CACNA1A: variants seen among roughly 807,000 people sequenced by gnomAD.
The protein encoded by CACNA1A is voltage-dependent P/Q-type calcium channel subunit alpha-1A.
A neutral mutation model predicts 262.4 loss-of-function variants in CACNA1A; 57 were observed. The ratio of observed to expected loss-of-function variants is 0.22; its 90% CI spans 0.18 to 0.27. The LOEUF is 0.27. CACNA1A is among the 10% of genes least tolerant of loss of function. The pLI is 1.00. For missense variants in CACNA1A, 2,526 were observed against 3,562.8 expected, an observed-to-expected ratio of 0.71 and a Z score of 7.41; for synonymous variants, 1,431 against 1,419.3, an observed-to-expected ratio of 1.01 and a Z score of -0.18.
At chr19:13,334,345 C>A (rs867607816) in intron 8 of CACNA1A, 33 bp downstream of exon 8, 2 of 1,126,468 alleles carry the variant, frequency 1.8e-6, no homozygotes, top group Admixed American at 1.7e-5. Context: ...CCTGGGATCT[C>A]CATCCCTGGG....
intron 31 of CACNA1A, among the ~76,000 whole-genome samples, chr19:13,238,244 G>A (rs560858709): frequency 3.3e-5 from 5 of 152,126 alleles, no homozygotes; most frequent in Non-Finnish European, 7.4e-5. Context: ...GGCTTGGGAG[G>A]TGCAGCTTCC....
chr19:13,445,659 T>TA (rs1407507987), intron 3 of CACNA1A, among the ~76,000 whole-genome samples: 2 of 152,240 alleles, frequency 1.3e-5, no homozygotes, highest in East Asian at 1.9e-4. Context: ...AATATTTATA[T>TA]ATATTTGAGA....
intron 9 of CACNA1A, 119 bp downstream of exon 9, chr19:13,332,750 A>C (rs1600352906): frequency 1.8e-6 from 1 of 557,118 alleles, no homozygotes; most frequent in Non-Finnish European, 3.2e-6. Flanking sequence ...TTCCTCCAAG[A>C]GGAACGTCTA....
chr19:13,300,644 C>T lies in CACNA1A; in HGVS notation c.2185G>A (p.Glu729Lys). The part of the protein sequence containing the change: ...AQELTKDEQE[E>K]EEAANQKLAL... ...AGTTTCTGGTTCGCTGCTTCTTCTT[C>T]CTCTTGCTCGTCCTAAAAGGCACGT... The change falls in exon 18 of 47, where the codon GAA becomes AAA. Residue 729 changes from glutamate (E) to lysine (K), a missense_variant. Transcript: ENST00000360228. 6.2e-7 allele frequency: 1 copy of T among 1,613,634 alleles called. No individual in the cohort carries two copies. The highest frequency in any genetic ancestry group is 8.5e-7 in the Non-Finnish European group (1 of 1,179,612).
chr19:13,268,479 G>C (rs999576390), intron 24 of CACNA1A, among the ~76,000 whole-genome samples: 1 of 150,814 alleles, frequency 6.6e-6, no homozygotes, highest in Non-Finnish European at 1.5e-5. Flanking sequence ...TGTCGCCCAG[G>C]CTGGAGTGCA....
chr19:13,307,660 A>G (rs777043297), intron 15 of CACNA1A, 122 bp downstream of exon 15: 28 of 726,932 alleles, frequency 3.9e-5, no homozygotes, highest in Non-Finnish European at 6.8e-5. Flanking sequence ...CTGTGTTTCA[A>G]AGTGGTGTGA....
chr19:13,261,701 G>T, intron 25 of CACNA1A, 91 bp from the exon 26 acceptor site: 1 of 1,262,684 alleles, frequency 7.9e-7, no homozygotes, highest in Non-Finnish European at 1.1e-6. Flanking sequence ...ATACTGCCAT[G>T]ATCATTCCCA....
intron 11 of CACNA1A, chr19:13,315,410 G>C (rs774848124): frequency 2.0e-5 from 3 of 152,010 alleles, no homozygotes; most frequent in Admixed American, 1.3e-4. Flanking sequence ...CTGTGTCTCA[G>C]TTTTCTCAAA....
intron 24 of CACNA1A, among the ~76,000 whole-genome samples, chr19:13,265,112 T>G (rs1413531497): frequency 6.6e-6 from 1 of 152,156 alleles, no homozygotes; most frequent in Non-Finnish European, 1.5e-5. Flanking sequence ...CGACCTCAAG[T>G]AATCCACTGG....
chr19:13,401,772 G>A (rs2059904019), intron 3 of CACNA1A, among the ~76,000 whole-genome samples: 2 of 152,140 alleles, frequency 1.3e-5, no homozygotes, highest in African/African-American at 4.8e-5. Context: ...CTGAGTGACT[G>A]CATGGAGTCG....
At chr19:13,371,486 T>C (rs2059322295) in intron 4 of CACNA1A, 2 of 573,952 alleles carry the variant, frequency 3.5e-6, no homozygotes, top group Admixed American at 6.0e-5. Context: ...TAAATGGGTG[T>C]GGCTCCTAGT....
chr19:13,385,270 C>T (rs1377101287), intron 3 of CACNA1A, among the ~76,000 whole-genome samples: 1 of 146,568 alleles, frequency 6.8e-6, no homozygotes, highest in African/African-American at 2.6e-5. Context: ...CATTCTGTTG[C>T]CCAGGCTGGA....
At chr19:13,361,565 T>C (rs1451653364) in intron 5 of CACNA1A, among the ~76,000 whole-genome samples, 1 of 152,208 alleles carries the variant, frequency 6.6e-6, no homozygotes, top group African/African-American at 2.4e-5. Flanking sequence ...TCAATGTATG[T>C]GCTACAGACT....
intron 3 of CACNA1A, among the ~76,000 whole-genome samples, chr19:13,419,662 G>C (rs2060283620): frequency 6.6e-6 from 1 of 152,140 alleles, no homozygotes; most frequent in African/African-American, 2.4e-5. Context: ...GGGTAACAGA[G>C]TGAGACCTTG....
intron 6 of CACNA1A, among the ~76,000 whole-genome samples, chr19:13,355,573 C>T (rs772477596): frequency 1.3e-5 from 2 of 152,110 alleles, no homozygotes; most frequent in Non-Finnish European, 1.5e-5. Context: ...CAGAGCAAAA[C>T]GCCCGACAGG....
At chr19:13,438,675 C>T in intron 3 of CACNA1A, among the ~76,000 whole-genome samples, 1 of 152,102 alleles carries the variant, frequency 6.6e-6, no homozygotes, top group East Asian at 1.9e-4. Flanking sequence ...CCAACTGGGC[C>T]CAGCCTAAAC....
In CACNA1A at chr19:13,298,671, C is replaced by T. The variant is rs780114663; in HGVS notation, c.2962G>A (p.Gly988Ser). ...GGGCCCTCGCCCTCGCCCTCGCCGCCCCGGGCCGGCCGGCTGCCCTCGCGG... is the reference window on the plus strand; with the variant it reads ...GGGCCCTCGCCCTCGCCCTCGCCGCTCCGGGCCGGCCGGCTGCCCTCGCGG... ...RHREGSRPAR[G>S]GEGEGEGPDG... The change falls in exon 19 of 47, where the codon GGC becomes AGC. Residue 988 changes from glycine to serine, a missense_variant. Physicochemically the swap from Gly to Ser is moderately conservative, Grantham distance 56. Coordinates refer to ENST00000360228, the MANE Select transcript of CACNA1A (RefSeq NM_001127222.2). 1.4e-6 allele frequency: 2 copies of T among 1,479,604 alleles called. No homozygotes were observed. Among genetic ancestry groups the T allele is most frequent in the Admixed American group, 2.6e-5 (1 of 38,628 alleles). 91.7% of individuals were successfully genotyped at this position (1,479,604 alleles called of 1,614,324 possible).
chr19:13,260,326 A>G (rs1440658958), intron 26 of CACNA1A: 1 of 77,194 alleles, frequency 1.3e-5, no homozygotes, highest in East Asian at 2.2e-4. Flanking sequence ...ATATATATAT[A>G]TATATATTTT....
At chr19:13,417,861 G>A (rs1400129880) in intron 3 of CACNA1A, among the ~76,000 whole-genome samples, 2 of 142,888 alleles carry the variant, frequency 1.4e-5, no homozygotes, top group South Asian at 4.5e-4. Context: ...CTGCACTCCA[G>A]CCTGGGTGAC....
Sources: gnomAD v4.1 joint callset for allele counts (sites outside exome capture counted in the v4.1 genomes callset) on GRCh38, gnomAD v4.1.1 for gene constraint, MANE v1.5 for transcripts, NCBI Gene and HGNC (gene_info 2026-07-23, HGNC 2026-07-21) for gene names.